The following MBD5 variants were observed in gnomAD, a reference collection of about 807,000 sequenced individuals.
The protein encoded by MBD5 is methyl-CpG-binding domain protein 5.
MBD5 carries 13 observed loss-of-function variants against 117.3 expected under a neutral mutation model. The observed-to-expected ratio is 0.11, with a 90% CI of 0.07 to 0.18. The LOEUF (loss-of-function observed/expected upper bound fraction) is 0.18. Among genes scored for constraint, MBD5 ranks in the 10% least tolerant of loss-of-function variants. MBD5 has a pLI of 1.00. For synonymous variants in MBD5, 727 were observed against 766.4 expected (o/e 0.95, Z 0.85); for missense variants, 1,879 against 2,093.8 (o/e 0.90, Z 2.00).
chr2:148,033,383 C>T (rs1694095033), intron 1 of MBD5, among the ~76,000 whole-genome samples: 1 of 152,072 alleles, frequency 6.6e-6, no homozygotes, highest in African/African-American at 2.4e-5. Context: ...GTGTGCATCA[C>T]TTGGAGTGAT....
chr2:148,197,709 A>G (rs1228558757), intron 2 of MBD5, among the ~76,000 whole-genome samples: 1 of 150,936 alleles, frequency 6.6e-6, no homozygotes, highest in African/African-American at 2.4e-5. Context: ...TTTTGCTGTT[A>G]TATGTGATTT....
In MBD5 at chr2:148,331,371, A is replaced by ATT. The variant is rs59953469; in HGVS notation, c.-679-10831_-679-10830dup. Among the ~76,000 whole-genome samples, 10 of 147,134 alleles carry ATT rather than the reference A, an allele frequency of 6.8e-5. 1 individual carries two copies. Among genetic ancestry groups the ATT allele is most frequent in the Non-Finnish European group, 9.1e-5 (6 of 66,098 alleles). ...CAATCCCCAGATGCAATCATTTTCC[A>ATT]TTTTTTTTTTTTTGGTAATTTAAGA... is the stretch of plus-strand genomic sequence containing the variant. On this transcript the variant is annotated intron_variant, in intron 3 of 13. Coordinates refer to ENST00000642680, the MANE Select transcript of MBD5 (RefSeq NM_001378120.1).
At chr2:148,078,507 A>G (rs1695563551) in intron 1 of MBD5, among the ~76,000 whole-genome samples, 1 of 152,312 alleles carries the variant, frequency 6.6e-6, no homozygotes, top group East Asian at 1.9e-4. Context: ...CTGTTACCAT[A>G]TGTAATTCTG....
rs567006397 is a variant in MBD5, at chr2:148,408,538, A to G, written c.-556-49665A>G. ...TCTATAGAATTCCAAGGACATTTAC[A>G]TAATAAATATAAAGAAACAAAGACA... On this transcript the variant is annotated intron_variant, in intron 4 of 13. Transcript: ENST00000642680. Among the ~76,000 whole-genome samples the G allele has an allele frequency of 4.6e-5, 7 of 152,348 alleles. No homozygotes were observed. In the East Asian group the frequency reaches 7.7e-4, roughly 17 times the overall value.
chr2:148,158,820 A>T (rs906997305), intron 1 of MBD5, among the ~76,000 whole-genome samples: 9 of 152,186 alleles, frequency 5.9e-5, no homozygotes, highest in African/African-American at 2.2e-4. Context: ...CCCGGGTTCA[A>T]GTCATTCTCC....
At chr2:148,331,026 C>T (rs1319957079) in intron 3 of MBD5, among the ~76,000 whole-genome samples, 1 of 152,160 alleles carries the variant, frequency 6.6e-6, no homozygotes, top group Non-Finnish European at 1.5e-5. Flanking sequence ...CTACCCACAA[C>T]AGTGTCTGTT....
At chr2:148,238,602 G>T (rs1351528890) in intron 3 of MBD5, among the ~76,000 whole-genome samples, 1 of 152,144 alleles carries the variant, frequency 6.6e-6, no homozygotes, top group African/African-American at 2.4e-5. Context: ...CATAAATTGT[G>T]TAGCTTAAAA....
chr2:148,263,837 C>G (rs1700790441), intron 3 of MBD5, among the ~76,000 whole-genome samples: 1 of 152,116 alleles, frequency 6.6e-6, no homozygotes, highest in African/African-American at 2.4e-5. Flanking sequence ...TACATATAGG[C>G]TCCTGTTTTA....
intron 4 of MBD5, among the ~76,000 whole-genome samples, chr2:148,349,565 G>C (rs1184052322): frequency 6.6e-6 from 1 of 151,936 alleles, no homozygotes; most frequent in Non-Finnish European, 1.5e-5. Flanking sequence ...TAATGACGGA[G>C]AAGAAAACAG....
chr2:148,213,954 A>G (rs1699491207), intron 2 of MBD5, among the ~76,000 whole-genome samples: 1 of 152,202 alleles, frequency 6.6e-6, no homozygotes, highest in African/African-American at 2.4e-5. Flanking sequence ...TGATGTCTAG[A>G]GGTCATCCAA....
At position 148,483,829 on chromosome 2, in the gene MBD5, T is replaced by C. The variant is rs1028171369; in HGVS notation, c.3238T>C (p.Ser1080Pro). The C allele has an allele frequency of 1.3e-6, 2 of 1,550,452 alleles. No individual in the cohort carries two copies. Among genetic ancestry groups the C allele is most frequent in the African/African-American group, 2.7e-5 (2 of 73,040 alleles). ...GTTCCTCCCAGCTGTCAATGGGGCC[T>C]CAGGATTAATGACCTTGAATCCCCA... is the stretch of plus-strand genomic sequence containing the variant. ...PLFLPAVNGA[S>P]GLMTLNPQLL... The change falls in exon 9 of 14, where the codon TCA becomes CCA. Residue 1080 changes from serine (S) to proline (P), a missense_variant. Physicochemically the swap from Ser to Pro is moderately conservative, Grantham distance 74. This residue lies in a region of MBD5 where 1,666 missense variants were observed against 1,792.2 expected (regional missense o/e 0.93). Transcript: ENST00000642680.
chr2:148,084,991 G>A (rs1434172694), intron 1 of MBD5, among the ~76,000 whole-genome samples: 1 of 152,194 alleles, frequency 6.6e-6, no homozygotes, highest in East Asian at 1.9e-4. Context: ...GATAGAAAAT[G>A]TCACCAAAGG....
chr2:148,251,693 G>A (rs568778860), intron 3 of MBD5, among the ~76,000 whole-genome samples: 7 of 152,072 alleles, frequency 4.6e-5, no homozygotes, highest in East Asian at 1.9e-4. Flanking sequence ...CAAATTCTGC[G>A]TATTTAGTTA....
rs949148937 is a variant in MBD5 at position 148,167,878 on chromosome 2, C to A, written c.-924-10822C>A. On this transcript the variant is annotated intron_variant, in intron 1 of 13. Transcript: ENST00000642680. ...TTTTGTTTGTAATGGTGGCCCACCA[C>A]CACTTTATTATATTTTGTTTGTTTT... 1.0e-3 allele frequency among the ~76,000 whole-genome samples: 157 copies of A among 152,244 alleles called. 3 individuals carry two copies. Among genetic ancestry groups the A allele is most frequent in the Middle Eastern group, 3.4e-3 (1 of 292 alleles).
In MBD5 at chr2:148,247,326, C is replaced by CA. The variant is rs142311817; in HGVS notation, c.-680+13936dup. 8.5e-3 allele frequency among the ~76,000 whole-genome samples: 1,286 copies of CA among 152,140 alleles called. 24 individuals carry two copies. Among genetic ancestry groups the CA allele is most frequent in the African/African-American group, 0.03 (1,232 of 41,518 alleles). Reference sequence around the variant, plus strand: ...TCTGTCCTTGTTTCCAAAAGTTTACCAAAAACTACATTTGAGCCATTTTGA... The same window carrying CA: ...TCTGTCCTTGTTTCCAAAAGTTTACCAAAAAACTACATTTGAGCCATTTTGA... On this transcript the variant is annotated intron_variant, in intron 3 of 13. Transcript: ENST00000642680.
intron 4 of MBD5, among the ~76,000 whole-genome samples, chr2:148,401,156 A>G (rs1008030690): frequency 6.6e-6 from 1 of 152,170 alleles, no homozygotes; most frequent in African/African-American, 2.4e-5. Flanking sequence ...CAACCAAGTA[A>G]TACTTTCAGA....
chr2:148,350,671 A>C (rs372805276), intron 4 of MBD5, among the ~76,000 whole-genome samples: 69 of 152,140 alleles, frequency 4.5e-4, no homozygotes, highest in Non-Finnish European at 7.2e-4. Flanking sequence ...GAGACCTTTC[A>C]GTTTTTCTTG....
At chr2:148,214,046 C>G (rs1699493118) in intron 2 of MBD5, among the ~76,000 whole-genome samples, 1 of 152,146 alleles carries the variant, frequency 6.6e-6, no homozygotes, top group African/African-American at 2.4e-5. Context: ...CAGGTGCTTT[C>G]AAATCATTCC....
intron 8 of MBD5, among the ~76,000 whole-genome samples, chr2:148,482,757 A>C (rs1488879734): frequency 6.6e-6 from 1 of 152,194 alleles, no homozygotes; most frequent in African/African-American, 2.4e-5. Flanking sequence ...TGAATGAAGA[A>C]CGTGGATTCT....
Sources: gnomAD v4.1 joint callset for allele counts (sites outside exome capture counted in the v4.1 genomes callset) on GRCh38, gnomAD v4.1.1 for gene constraint, gnomAD v4.1.1 regional missense constraint, MANE v1.5 for transcripts, NCBI Gene and HGNC (gene_info 2026-07-23, HGNC 2026-07-21) for gene names.